WNK1: variants seen among roughly 807,000 people sequenced by gnomAD.
WNK1 encodes the protein serine/threonine-protein kinase WNK1.
WNK1 carries 38 observed loss-of-function variants against 222.8 expected under a neutral mutation model. The observed-to-expected ratio is 0.17, with a 90% CI of 0.13 to 0.22. The LOEUF (loss-of-function observed/expected upper bound fraction) is 0.22. Ranked by LOEUF, WNK1 falls within the 10% of genes least tolerant of loss-of-function variation. WNK1 has a pLI of 1.00. For synonymous variants in WNK1, 1,090 were observed against 1,092.9 expected (o/e 1.00, Z 0.05); for missense variants, 2,348 against 2,918.4 (o/e 0.80, Z 4.50).
At chr12:812,704 A>T (rs1325108266) in intron 1 of WNK1, among the ~76,000 whole-genome samples, 1 of 152,206 alleles carries the variant, frequency 6.6e-6, no homozygotes, top group East Asian at 1.9e-4. Context: ...AGGAAGGTAG[A>T]TCAGAAAACA....
Position 860,939 on chromosome 12 carries a change from TGGCGG to T in WNK1, c.1621-71_1621-67del. On this transcript the variant is annotated intron_variant, in intron 6 of 27. Transcript: ENST00000315939. ...TTTTTTACAATGCCTTTTTTTTTTT[TGGCGG>T]GGGGTGGTGGTGGGGGGTGTTGTTT... is the stretch of plus-strand genomic sequence containing the variant. 6.1e-6 allele frequency: 7 copies of T among 1,152,360 alleles called. No homozygotes were observed. In the Admixed American group the frequency reaches 7.8e-5, roughly 13 times the overall value. The allele number at this position is 1,152,360 out of a possible 1,614,324, so 71.4% of individuals were successfully genotyped here. A position where few individuals can be genotyped will look rare whatever the true frequency, so the allele number is the denominator to read the frequency against.
At chr12:904,043 T>TA (rs1230529735) in intron 26 of WNK1, among the ~76,000 whole-genome samples, 11 of 152,220 alleles carry the variant, frequency 7.2e-5, no homozygotes, top group African/African-American at 2.7e-4. Context: ...CTAATGCATT[T>TA]AACTGAGTGC....
At chr12:865,021 A>G (rs1951522054) in intron 8 of WNK1, 1 of 1,408,464 alleles carries the variant, frequency 7.1e-7, no homozygotes, top group Non-Finnish European at 9.3e-7. Context: ...ACATTTCTTC[A>G]TGCAACTATG....
chr12:826,506 A>G (rs1462553052), intron 2 of WNK1, among the ~76,000 whole-genome samples: 1 of 152,156 alleles, frequency 6.6e-6, no homozygotes, highest in African/African-American at 2.4e-5. Flanking sequence ...CCTTCCAACT[A>G]TGACTGATTT....
intron 1 of WNK1, among the ~76,000 whole-genome samples, chr12:795,517 G>T (rs1413571589): frequency 1.3e-5 from 2 of 151,966 alleles, no homozygotes; most frequent in African/African-American, 4.8e-5. Flanking sequence ...TGCTTGGTTG[G>T]TTCTCATTCT....
chr12:799,488 T>C (rs756709054), intron 1 of WNK1, among the ~76,000 whole-genome samples: 7 of 152,100 alleles, frequency 4.6e-5, no homozygotes, highest in Admixed American at 2.6e-4. Flanking sequence ...TCATTTTCTC[T>C]TCTTGCTTTA....
At chr12:848,338 T>C (rs1029395238) in intron 4 of WNK1, among the ~76,000 whole-genome samples, 2 of 152,062 alleles carry the variant, frequency 1.3e-5, no homozygotes, top group Non-Finnish European at 2.9e-5. Flanking sequence ...CTAGCCACAA[T>C]GTAAAACACA....
At chr12:836,902 T>C (rs984832478) in intron 4 of WNK1, among the ~76,000 whole-genome samples, 1 of 131,274 alleles carries the variant, frequency 7.6e-6, no homozygotes, top group African/African-American at 2.9e-5. Context: ...TCAGAAATAT[T>C]TTTTTTTTGT....
At chr12:817,644 A>C (rs1195597084) in intron 2 of WNK1, among the ~76,000 whole-genome samples, 1 of 152,170 alleles carries the variant, frequency 6.6e-6, no homozygotes, top group Non-Finnish European at 1.5e-5. Flanking sequence ...ATGAGTCAGA[A>C]AATTTGGATT....
intron 1 of WNK1, among the ~76,000 whole-genome samples, chr12:806,235 A>G (rs928957684): frequency 1.3e-5 from 2 of 152,218 alleles, no homozygotes; most frequent in African/African-American, 4.8e-5. Flanking sequence ...CAGTTACTTT[A>G]GAAATAGGAG....
intron 1 of WNK1, among the ~76,000 whole-genome samples, chr12:798,508 A>G (rs1175813305): frequency 6.6e-6 from 1 of 151,964 alleles, no homozygotes; most frequent in African/African-American, 2.4e-5. Flanking sequence ...TTGCATTTTC[A>G]AAGTTTTCAT....
At chr12:841,734 AG>A (rs1949642232) in intron 4 of WNK1, among the ~76,000 whole-genome samples, 1 of 152,238 alleles carries the variant, frequency 6.6e-6, no homozygotes, top group African/African-American at 2.4e-5. Flanking sequence ...TTTGGTATCT[AG>A]TGAGGTTCTG....
intron 1 of WNK1, among the ~76,000 whole-genome samples, chr12:764,982 C>T (rs895521329): frequency 6.8e-6 from 1 of 147,292 alleles, no homozygotes; most frequent in African/African-American, 2.4e-5. Context: ...ATTACAGGCA[C>T]GTGCCACCAC....
intron 1 of WNK1, among the ~76,000 whole-genome samples, chr12:783,376 G>A (rs868139006): frequency 1.3e-5 from 2 of 152,062 alleles, no homozygotes; most frequent in South Asian, 2.1e-4. Flanking sequence ...GGGGCTGGGC[G>A]TGGTGACACA....
At chr12:767,120 G>T (rs1398548488) in intron 1 of WNK1, among the ~76,000 whole-genome samples, 4 of 151,728 alleles carry the variant, frequency 2.6e-5, no homozygotes, top group Admixed American at 2.0e-4. Flanking sequence ...GGTCAAACAG[G>T]TTCATGCTCT....
rs768151973 is a variant in WNK1 at position 884,695 on chromosome 12, T to C, written c.3891T>C (p.Ser1297=). The change falls in exon 19 of 28, where the codon TCT becomes TCC. Residue 1297 remains serine, a synonymous_variant. Coordinates refer to ENST00000315939, the MANE Select transcript of WNK1 (RefSeq NM_018979.4). This position sits in a 1 kb window ranked among gnomAD's most constrained non-coding sequence, Gnocchi z 5.6. ...GCCCTGGAATGAACTTGTCTCACTC[T>C]GCATCATCCCTTAGTCTACAACAGG... ...AQSPGMNLSH[S]ASSLSLQQAF... is the part of the protein sequence containing the mutation. The C allele has an allele frequency of 6.2e-7, 1 of 1,614,224 alleles. No individual in the cohort carries two copies. The highest frequency in any genetic ancestry group is 1.1e-5 in the South Asian group (1 of 91,088).
At chr12:850,066 C>G (rs2154054286) in intron 4 of WNK1, among the ~76,000 whole-genome samples, 1 of 152,236 alleles carries the variant, frequency 6.6e-6, no homozygotes, top group African/African-American at 2.4e-5. Context: ...GATTTATAAT[C>G]CTTTGGGTAT....
At chr12:760,735 G>C (rs1290753373) in intron 1 of WNK1, among the ~76,000 whole-genome samples, 2 of 146,724 alleles carry the variant, frequency 1.4e-5, no homozygotes, top group African/African-American at 4.9e-5. Context: ...GCCTTTGACA[G>C]GTAGCAGGCT....
intron 5 of WNK1, 106 bp downstream of exon 5, chr12:857,355 T>C: frequency 9.2e-7 from 1 of 1,081,210 alleles, no homozygotes; most frequent in Non-Finnish European, 1.4e-6. Context: ...TGTGATTGGT[T>C]TCTCTATTTG....
Sources: gnomAD v4.1 joint callset for allele counts (sites outside exome capture counted in the v4.1 genomes callset) on GRCh38, gnomAD v4.1.1 for gene constraint, Gnocchi (gnomAD v3.1) non-coding constraint, MANE v1.5 for transcripts, NCBI Gene and HGNC (gene_info 2026-07-23, HGNC 2026-07-21) for gene names.